Variants in LAMA2 observed in about 807,000 individuals in gnomAD.
LAMA2 encodes the protein laminin subunit alpha-2.
LAMA2 carries 269 observed loss-of-function variants against 364.8 expected under a neutral mutation model. That is an observed-to-expected ratio of 0.74 (90% CI 0.67 to 0.82). LAMA2 has a LOEUF of 0.82. Ranked by LOEUF, LAMA2 falls within the 40% of genes least tolerant of loss-of-function variation. The pLI is 0.00. For synonymous variants in LAMA2, 1,379 were observed against 1,370.6 expected (o/e 1.01, Z -0.14); for missense variants, 3,807 against 3,873.2 (o/e 0.98, Z 0.45).
intron 33 of LAMA2, among the ~76,000 whole-genome samples, chr6:129,367,002 T>A (rs995224553): frequency 6.6e-6 from 1 of 152,220 alleles, no homozygotes; most frequent in African/African-American, 2.4e-5. Flanking sequence ...CTCAGGTGCC[T>A]AGCCTGGGAT....
intron 1 of LAMA2, among the ~76,000 whole-genome samples, chr6:128,891,739 T>C (rs961090166): frequency 6.6e-6 from 1 of 152,080 alleles, no homozygotes; most frequent in Non-Finnish European, 1.5e-5. Flanking sequence ...GCTTATATAC[T>C]TAAACACACA....
Position 129,146,965 on chromosome 6 carries a change from T to C in LAMA2, c.826T>C (p.Tyr276His). ...TCTGGATTGCTTTTTGCAGTATTAC[T>C]ACTCGGTCAAGGATATTTCAGTTGG... ...IDPIVTRRYYYSVKDISVGGM... is the reference protein window; with the variant it reads ...IDPIVTRRYYHSVKDISVGGM... The change falls in exon 6 of 65, where the codon TAC (tyrosine) becomes CAC (histidine). Residue 276 changes from tyrosine (Y) to histidine (H), a missense_variant. Around this residue, in one of 3 missense-constraint regions of LAMA2, gnomAD observed 394 missense variants for 403.5 expected, o/e 0.98. Coordinates refer to ENST00000421865, the MANE Select transcript of LAMA2 (RefSeq NM_000426.4). 1 of 1,605,978 alleles carries C rather than the reference T, an allele frequency of 6.2e-7. No individual in the cohort carries two copies. Among genetic ancestry groups the C allele is most frequent in the Non-Finnish European group, 8.5e-7 (1 of 1,172,802 alleles).
chr6:129,179,513 C>T, intron 10 of LAMA2, among the ~76,000 whole-genome samples: 1 of 152,108 alleles, frequency 6.6e-6, no homozygotes, highest in Non-Finnish European at 1.5e-5. Flanking sequence ...TAGCAGGGCT[C>T]CAAGGGAAAG....
intron 4 of LAMA2, among the ~76,000 whole-genome samples, chr6:129,123,512 A>C (rs566301730): frequency 2.0e-4 from 30 of 152,296 alleles, no homozygotes; most frequent in African/African-American, 6.5e-4. Context: ...ATAAATAAGG[A>C]AAATGTGGTA....
chr6:129,167,808 C>T (rs556769890), intron 9 of LAMA2, among the ~76,000 whole-genome samples: 11 of 151,762 alleles, frequency 7.2e-5, no homozygotes, highest in East Asian at 5.8e-4. Flanking sequence ...TATTTCTCCA[C>T]ATCCTCTCCA....
At chr6:129,013,804 C>G (rs1186083345) in intron 1 of LAMA2, among the ~76,000 whole-genome samples, 2 of 151,740 alleles carry the variant, frequency 1.3e-5, no homozygotes, top group Non-Finnish European at 2.9e-5. Flanking sequence ...AAATTTGGTG[C>G]AAGAAATAAA....
At chr6:129,020,102 GAA>G (rs57907508) in intron 1 of LAMA2, among the ~76,000 whole-genome samples, 76,920 of 134,170 alleles carry the variant, frequency 0.57, 24,200 homozygotes, top group East Asian at 0.95. Context: ...GAAAAAAAAA[GAA>G]AAAAAAAAAA....
intron 16 of LAMA2, among the ~76,000 whole-genome samples, chr6:129,270,146 G>A (rs1396953797): frequency 3.3e-5 from 5 of 151,874 alleles, no homozygotes; most frequent in African/African-American, 7.3e-5. Flanking sequence ...CCATAGCCCC[G>A]GAGGATTTCT....
In LAMA2 at chr6:129,280,117, C is replaced by T; in HGVS notation, c.2507C>T (p.Pro836Leu). ...CTTGGATTGATCTGTGATGGATGCC[C>T]TGTCGGGTACACAGGACCACGCTGT... is the stretch of plus-strand genomic sequence containing the variant. ...RSLGLICDGC[P>L]VGYTGPRCER... Residue 836 changes from proline (P) to leucine (L), a missense_variant, in exon 18 of 65, where the codon CCT becomes CTT. Around this residue, in one of 3 missense-constraint regions of LAMA2, gnomAD observed 3,333 missense variants for 3,345.7 expected, o/e 1.00. Transcript: ENST00000421865. The T allele has an allele frequency of 6.2e-7, 1 of 1,612,774 alleles. No homozygotes were observed. The highest frequency in any genetic ancestry group is 8.5e-7 in the Non-Finnish European group (1 of 1,178,948).
chr6:129,383,807 A>G (rs1363788292), intron 35 of LAMA2, among the ~76,000 whole-genome samples: 1 of 152,210 alleles, frequency 6.6e-6, no homozygotes, highest in Admixed American at 6.5e-5. Context: ...AAATTAAGAA[A>G]CTTAAAGAAT....
At chr6:129,086,345 G>A (rs1363602999) in intron 3 of LAMA2, among the ~76,000 whole-genome samples, 1 of 152,084 alleles carries the variant, frequency 6.6e-6, no homozygotes. Flanking sequence ...AAAAATAACT[G>A]AGCATCTTTT....
intron 12 of LAMA2, among the ~76,000 whole-genome samples, chr6:129,240,152 A>G (rs1583319216): frequency 6.6e-6 from 1 of 152,190 alleles, no homozygotes; most frequent in Non-Finnish European, 1.5e-5. Flanking sequence ...AAAGATGAAG[A>G]CTAGAAGACT....
chr6:129,270,911 A>T (rs1447683423), intron 17 of LAMA2, among the ~76,000 whole-genome samples, 160 bp downstream of exon 17: 1 of 152,168 alleles, frequency 6.6e-6, no homozygotes, highest in East Asian at 1.9e-4. Context: ...AACCTAAGAT[A>T]TTTAAAACTA....
intron 4 of LAMA2, among the ~76,000 whole-genome samples, chr6:129,132,670 A>G (rs896302082): frequency 3.9e-5 from 6 of 152,188 alleles, no homozygotes; most frequent in African/African-American, 1.4e-4. Flanking sequence ...TAACTGCTAT[A>G]AAGGGTGGAG....
chr6:129,489,225 C>CA (rs1411950781), intron 56 of LAMA2, among the ~76,000 whole-genome samples: 1 of 152,150 alleles, frequency 6.6e-6, no homozygotes, highest in African/African-American at 2.4e-5. Context: ...AAATCCTGGA[C>CA]AAAATGATAG....
At chr6:128,911,345 C>G (rs980101840) in intron 1 of LAMA2, among the ~76,000 whole-genome samples, 2 of 152,138 alleles carry the variant, frequency 1.3e-5, no homozygotes, top group Non-Finnish European at 2.9e-5. Flanking sequence ...CGTGGTTCGC[C>G]GTTTTTTAAG....
intron 3 of LAMA2, among the ~76,000 whole-genome samples, chr6:129,061,268 G>C (rs1305511975): frequency 6.6e-6 from 1 of 152,134 alleles, no homozygotes; most frequent in Non-Finnish European, 1.5e-5. Context: ...CATTGACTCA[G>C]GTCATCTCCA....
At chr6:129,154,710 G>A (rs1382866041) in intron 8 of LAMA2, 27 bp downstream of exon 8, 1 of 1,597,896 alleles carries the variant, frequency 6.3e-7, no homozygotes, top group African/African-American at 1.3e-5. Flanking sequence ...CTTTCATAAA[G>A]AGTTATTTTT....
At chr6:128,979,888 G>A (rs1195578679) in intron 1 of LAMA2, among the ~76,000 whole-genome samples, 2 of 152,148 alleles carry the variant, frequency 1.3e-5, no homozygotes, top group East Asian at 3.8e-4. Context: ...CATTTATAAA[G>A]TTCTTGTCAA....
Sources: gnomAD v4.1 joint callset for allele counts (sites outside exome capture counted in the v4.1 genomes callset) on GRCh38, gnomAD v4.1.1 for gene constraint, gnomAD v4.1.1 regional missense constraint, MANE v1.5 for transcripts, NCBI Gene and HGNC (gene_info 2026-07-23, HGNC 2026-07-21) for gene names.